TAOK1: variants seen among roughly 807,000 people sequenced by gnomAD.
TAOK1 encodes serine/threonine-protein kinase TAO1.
A neutral mutation model predicts 138.3 loss-of-function variants in TAOK1; 21 were observed. The ratio of observed to expected loss-of-function variants is 0.15; its 90% CI spans 0.11 to 0.22. The LOEUF (loss-of-function observed/expected upper bound fraction) is 0.22. Ranked by LOEUF, TAOK1 falls within the 10% of genes least tolerant of loss-of-function variation. The probability of loss-of-function intolerance (pLI) is 1.00; values close to 1 mark genes in which losing one functional copy is unlikely to be tolerated. For missense variants in TAOK1, 651 were observed against 1,227.7 expected (o/e 0.53, Z 7.02); for synonymous variants, 361 against 398.4 (o/e 0.91, Z 1.12).
chr17:29,537,417 T>C (rs1286016039), intron 19 of TAOK1, among the ~76,000 whole-genome samples: 1 of 151,878 alleles, frequency 6.6e-6, no homozygotes, highest in African/African-American at 2.4e-5. Flanking sequence ...TGGTACAATC[T>C]CAGCTCACTG....
intron 19 of TAOK1, among the ~76,000 whole-genome samples, chr17:29,542,245 G>A (rs923725960): frequency 6.6e-6 from 1 of 152,124 alleles, no homozygotes; most frequent in Non-Finnish European, 1.5e-5. Context: ...TGGGAGGGTG[G>A]GAGATGAGTG....
At chr17:29,426,852 C>G (rs1198803673) in intron 1 of TAOK1, among the ~76,000 whole-genome samples, 1 of 151,972 alleles carries the variant, frequency 6.6e-6, no homozygotes, top group Non-Finnish European at 1.5e-5. Flanking sequence ...TAAGGAAACG[C>G]CTAAATAACT....
rs1222964262 is a variant in TAOK1 at position 29,545,511 on chromosome 17, T to TC, written c.*2491dup. 3 of 152,202 alleles carry TC rather than the reference T, an allele frequency of 2.0e-5. No homozygotes were observed. Among genetic ancestry groups the TC allele is most frequent in the African/African-American group, 4.8e-5 (2 of 41,460 alleles). The allele number at this position is 152,202 out of a possible 1,614,324, so 9.4% of individuals were successfully genotyped here. The stretch of plus-strand genomic sequence containing the variant: ...GAGAGTTACTGAGTCCATTCAGATC[T>TC]CCAGTAGGGTTTTGTATCTAATGTA... On this transcript the variant is annotated 3_prime_UTR_variant, in exon 20 of 20. Transcript: ENST00000261716.
chr17:29,483,337 C>T (rs1441655789), intron 8 of TAOK1, among the ~76,000 whole-genome samples: 6 of 151,946 alleles, frequency 3.9e-5, no homozygotes, highest in African/African-American at 1.4e-4. Context: ...CTCAGCCTCC[C>T]GCAGTGGGGG....
intron 2 of TAOK1, among the ~76,000 whole-genome samples, chr17:29,460,760 A>G (rs971001632): frequency 9.2e-5 from 14 of 152,198 alleles, no homozygotes; most frequent in African/African-American, 3.4e-4. Context: ...ATCGAAGCAG[A>G]GAGACTGATT....
chr17:29,410,534 C>T (rs566077377), intron 1 of TAOK1, among the ~76,000 whole-genome samples: 9 of 148,746 alleles, frequency 6.1e-5, no homozygotes, highest in African/African-American at 9.9e-5. Context: ...ATAACAGGCG[C>T]GAGCCACCAC....
chr17:29,468,780 C>T (rs1309417457), intron 3 of TAOK1, among the ~76,000 whole-genome samples: 1 of 151,810 alleles, frequency 6.6e-6, no homozygotes, highest in Non-Finnish European at 1.5e-5. Context: ...AACTTCTGAC[C>T]TCAAGCAATC....
At chr17:29,531,617 G>A (rs2032110296) in intron 18 of TAOK1, among the ~76,000 whole-genome samples, 1 of 151,870 alleles carries the variant, frequency 6.6e-6, no homozygotes, top group Non-Finnish European at 1.5e-5. Flanking sequence ...ACAAAAATTA[G>A]CCAGGCGTGG....
intron 11 of TAOK1, among the ~76,000 whole-genome samples, chr17:29,496,755 T>G (rs2031423196): frequency 7.2e-6 from 1 of 139,422 alleles, no homozygotes; most frequent in Non-Finnish European, 1.6e-5. Flanking sequence ...CCAACTAATT[T>G]TTTGTATGTT....
chr17:29,401,064 C>T (rs893646316), intron 1 of TAOK1, among the ~76,000 whole-genome samples: 4 of 151,786 alleles, frequency 2.6e-5, no homozygotes, highest in Non-Finnish European at 5.9e-5. Context: ...TGTGCACCAC[C>T]ACACCCGGCT....
chr17:29,530,519 A>G lies in TAOK1; in HGVS notation c.2261A>G (p.Lys754Arg), dbSNP rs2032083373. Residue 754 changes from lysine (K) to arginine (R), a missense_variant, in exon 18 of 20, where the codon AAA (lysine) becomes AGA (arginine). By Grantham distance (26) the Lys-to-Arg change is conservative. Transcript: ENST00000261716. ...GAGACTACACCAAAGAGTGAGCACAAAGCTGTTCTGAAACGGCTCAAGGAG... is the reference window on the plus strand; with the variant it reads ...GAGACTACACCAAAGAGTGAGCACAGAGCTGTTCTGAAACGGCTCAAGGAG... ...LLETTPKSEH[K>R]AVLKRLKEEQ... 6.2e-7 allele frequency: 1 copy of G among 1,614,192 alleles called. No homozygotes were observed. The highest frequency in any genetic ancestry group is 8.5e-7 in the Non-Finnish European group (1 of 1,180,026).
chr17:29,446,736 A>G (rs61128449), intron 1 of TAOK1, among the ~76,000 whole-genome samples: 5,014 of 118,568 alleles, frequency 0.042, 270 homozygotes, highest in African/African-American at 0.16. Flanking sequence ...TTTTTACTGT[A>G]CTTTTTTTTT....
intron 1 of TAOK1, among the ~76,000 whole-genome samples, chr17:29,439,947 A>G (rs542808263): frequency 6.6e-6 from 1 of 151,888 alleles, no homozygotes; most frequent in Non-Finnish European, 1.5e-5. Context: ...CTAATTTGAC[A>G]GTCCTACTTC....
At chr17:29,503,395 C>CAAAAAA (rs5819870) in intron 13 of TAOK1, among the ~76,000 whole-genome samples, 4 of 84,992 alleles carry the variant, frequency 4.7e-5, no homozygotes, top group African/African-American at 1.9e-4. Context: ...GACTCTGTCT[C>CAAAAAA]AAAAAAAAAA....
At chr17:29,535,896 A>ATATAAGATGTTACTATTT (rs1489551869) in intron 19 of TAOK1, among the ~76,000 whole-genome samples, 1 of 151,966 alleles carries the variant, frequency 6.6e-6, no homozygotes, top group East Asian at 1.9e-4. Context: ...CCTAAATAAG[A>ATATAAGATGTTACTATTT]TATAAGATGT....
chr17:29,478,412 T>G (rs973334906), intron 6 of TAOK1, 65 bp downstream of exon 6: 19 of 1,163,556 alleles, frequency 1.6e-5, no homozygotes, highest in Non-Finnish European at 2.2e-5. Flanking sequence ...ACTTTAGAAT[T>G]TATTAACTCT....
chr17:29,549,312 G>A lies in TAOK1; in HGVS notation c.*6290G>A, dbSNP rs897274497. 2 of 152,180 alleles carry A rather than the reference G, an allele frequency of 1.3e-5. No individual in the cohort carries two copies. Among genetic ancestry groups the A allele is most frequent in the African/African-American group, 4.8e-5 (2 of 41,446 alleles). 9.4% of individuals were successfully genotyped at this position (152,180 alleles called of 1,614,324 possible). On this transcript the variant is annotated 3_prime_UTR_variant, in exon 20 of 20. Transcript: ENST00000261716. ...AGGGAAATGCATTTCTTAGAAATCC[G>A]TGAACCCTCAGTTGTATGCTTTCAG...
intron 1 of TAOK1, among the ~76,000 whole-genome samples, chr17:29,393,050 C>T (rs538062535): frequency 6.6e-6 from 1 of 152,104 alleles, no homozygotes; most frequent in East Asian, 1.9e-4. Context: ...ATGGTCATCT[C>T]AATTCATTGA....
At chr17:29,423,893 C>CA (rs1389343839) in intron 1 of TAOK1, among the ~76,000 whole-genome samples, 1 of 151,726 alleles carries the variant, frequency 6.6e-6, no homozygotes, top group Non-Finnish European at 1.5e-5. Flanking sequence ...ACTAAAAATA[C>CA]AAAAAATTAG....
Sources: gnomAD v4.1 joint callset for allele counts (sites outside exome capture counted in the v4.1 genomes callset) on GRCh38, gnomAD v4.1.1 for gene constraint, MANE v1.5 for transcripts, NCBI Gene and HGNC (gene_info 2026-07-23, HGNC 2026-07-21) for gene names.